Variants in CDH18 observed in about 807,000 individuals in gnomAD.
CDH18 encodes the protein cadherin-18.
In CDH18, 31 loss-of-function variants were observed where a neutral mutation model predicts 67.9. That is an observed-to-expected ratio of 0.46 (90% CI 0.34 to 0.62). The LOEUF is 0.62. CDH18 is among the 20% of genes least tolerant of loss of function. The pLI is 0.01. For missense variants in CDH18, 890 were observed against 975.5 expected, an observed-to-expected ratio of 0.91 and a Z score of 1.17; for synonymous variants, 362 against 347.2, an observed-to-expected ratio of 1.04 and a Z score of -0.48.
intron 2 of CDH18, among the ~76,000 whole-genome samples, chr5:19,889,251 T>C (rs1788542358): frequency 6.6e-6 from 1 of 152,108 alleles, no homozygotes; most frequent in Non-Finnish European, 1.5e-5. Context: ...GATGGCCATT[T>C]GTATATCTAG....
chr5:20,092,099 A>C (rs1580219675), intron 2 of CDH18, among the ~76,000 whole-genome samples: 1 of 152,114 alleles, frequency 6.6e-6, no homozygotes, highest in Non-Finnish European at 1.5e-5. Context: ...CTGTAGTATA[A>C]GATGCTGCAA....
chr5:19,500,160 G>T (rs1394518288), intron 11 of CDH18, among the ~76,000 whole-genome samples: 1 of 151,548 alleles, frequency 6.6e-6, no homozygotes, highest in African/African-American at 2.4e-5. Flanking sequence ...CTGCAGTCCA[G>T]CATTTTCTGA....
At chr5:19,719,930 A>AAAGG (rs1765833094) in intron 5 of CDH18, among the ~76,000 whole-genome samples, 1 of 151,102 alleles carries the variant, frequency 6.6e-6, no homozygotes, top group African/African-American at 2.4e-5. Flanking sequence ...AGAAAGAAAG[A>AAAGG]AAGAAAGAAA....
chr5:19,950,219 A>T (rs1795660593), intron 2 of CDH18, among the ~76,000 whole-genome samples: 2 of 152,098 alleles, frequency 1.3e-5, no homozygotes, highest in Admixed American at 1.3e-4. Flanking sequence ...TGGCATTTGC[A>T]GCAACCTGGA....
At chr5:20,174,693 C>T (rs1460135409) in intron 2 of CDH18, among the ~76,000 whole-genome samples, 1 of 152,038 alleles carries the variant, frequency 6.6e-6, no homozygotes, top group Non-Finnish European at 1.5e-5. Flanking sequence ...CCATATACTT[C>T]CAATGAAAAA....
intron 1 of CDH18, among the ~76,000 whole-genome samples, chr5:20,434,649 C>T (rs1488142173): frequency 1.3e-5 from 2 of 151,916 alleles, no homozygotes; most frequent in African/African-American, 4.8e-5. Flanking sequence ...ATTTTATATT[C>T]TATTTCTTAA....
chr5:20,324,335 G>T (rs112766939), intron 1 of CDH18, among the ~76,000 whole-genome samples: 3 of 151,902 alleles, frequency 2.0e-5, no homozygotes, highest in African/African-American at 4.8e-5. Flanking sequence ...GTCAGGAGAT[G>T]GAGACCATCC....
chr5:20,279,304 G>T (rs1476375454), intron 1 of CDH18, among the ~76,000 whole-genome samples: 1 of 152,046 alleles, frequency 6.6e-6, no homozygotes, highest in East Asian at 1.9e-4. Context: ...AAGAGAAAAT[G>T]AAGCATATTA....
At chr5:20,326,420 A>C (rs1171988052) in intron 1 of CDH18, among the ~76,000 whole-genome samples, 2 of 152,158 alleles carry the variant, frequency 1.3e-5, no homozygotes, top group African/African-American at 4.8e-5. Context: ...TACAAACTTA[A>C]ATTCAGCTGC....
intron 6 of CDH18, among the ~76,000 whole-genome samples, chr5:19,611,559 CAA>C (rs1748967497): frequency 6.6e-6 from 1 of 151,976 alleles, no homozygotes; most frequent in South Asian, 2.1e-4. Flanking sequence ...TATTAAGAGA[CAA>C]GAGATAAAGT....
intron 2 of CDH18, among the ~76,000 whole-genome samples, chr5:20,216,497 T>G (rs1740781656): frequency 6.6e-6 from 1 of 152,008 alleles, no homozygotes; most frequent in African/African-American, 2.4e-5. Flanking sequence ...AAAGTCACTC[T>G]TTTAGAACTC....
At chr5:19,876,559 T>C (rs2150041289) in intron 2 of CDH18, among the ~76,000 whole-genome samples, 1 of 152,268 alleles carries the variant, frequency 6.6e-6, no homozygotes, top group Non-Finnish European at 1.5e-5. Context: ...ATTTTTGTTG[T>C]GGTTACCCTG....
intron 4 of CDH18, among the ~76,000 whole-genome samples, chr5:19,743,792 A>T (rs983103138): frequency 6.6e-6 from 1 of 151,916 alleles, no homozygotes; most frequent in Non-Finnish European, 1.5e-5. Context: ...CTGGAGGCAC[A>T]CGCCTGTAAT....
At chr5:19,643,077 T>A (rs1327478853) in intron 5 of CDH18, among the ~76,000 whole-genome samples, 1 of 152,090 alleles carries the variant, frequency 6.6e-6, no homozygotes, top group Non-Finnish European at 1.5e-5. Flanking sequence ...CAGATTAATA[T>A]AAAGGTACTT....
chr5:20,049,445 A>ACC (rs76657447), intron 2 of CDH18, among the ~76,000 whole-genome samples: 114,247 of 151,232 alleles, frequency 0.76, 46,152 homozygotes, highest in Non-Finnish European at 0.9. Flanking sequence ...TATACAACAA[A>ACC]CCCCCATGAC....
chr5:19,922,853 G>T (rs1381333344), intron 2 of CDH18, among the ~76,000 whole-genome samples: 3 of 152,018 alleles, frequency 2.0e-5, no homozygotes, highest in Non-Finnish European at 4.4e-5. Context: ...AGACGCTCCT[G>T]CATTTCAAGC....
chr5:19,528,214 A>G (rs953218401), intron 9 of CDH18, among the ~76,000 whole-genome samples: 1 of 151,676 alleles, frequency 6.6e-6, no homozygotes, highest in African/African-American at 2.4e-5. Context: ...ATCTTGGCCT[A>G]TTTGTGTATA....
intron 2 of CDH18, among the ~76,000 whole-genome samples, chr5:20,191,247 G>A (rs1323043321): frequency 6.6e-6 from 1 of 152,084 alleles, no homozygotes; most frequent in Non-Finnish European, 1.5e-5. Context: ...TGCTCAAAAT[G>A]AATAACCATT....
intron 2 of CDH18, among the ~76,000 whole-genome samples, chr5:20,222,528 T>C (rs911013107): frequency 2.6e-5 from 4 of 151,968 alleles, no homozygotes; most frequent in African/African-American, 9.7e-5. Flanking sequence ...CTAAGAAAAA[T>C]AGAAATGTAG....
Sources: allele counts gnomAD v4.1 joint callset (sites outside exome capture counted in the v4.1 genomes callset), GRCh38; gene constraint gnomAD v4.1.1; transcripts MANE v1.5; gene names NCBI Gene and HGNC (gene_info 2026-07-23, HGNC 2026-07-21).